TRNT1: variants seen among roughly 807,000 people sequenced by gnomAD.
The protein encoded by TRNT1 is CCA tRNA nucleotidyltransferase 1, mitochondrial.
In TRNT1, 44 loss-of-function variants were observed where a neutral mutation model predicts 45.6. The observed-to-expected ratio is 0.97, with a 90% CI of 0.76 to 1.24. The LOEUF (loss-of-function observed/expected upper bound fraction) is 1.24, where lower values mean the gene tolerates loss of function less well. Among genes scored for constraint, TRNT1 ranks in the 50% most tolerant of loss-of-function variants. The probability of loss-of-function intolerance (pLI) is 0.00; values close to 1 mark genes in which losing one functional copy is unlikely to be tolerated. For missense variants in TRNT1, 633 were observed against 504.4 expected, an observed-to-expected ratio of 1.25 and a Z score of -2.44; for synonymous variants, 201 against 171.4, an observed-to-expected ratio of 1.17 and a Z score of -1.35.
chr3:3,142,832 A>G (rs1006762749), intron 4 of TRNT1, among the ~76,000 whole-genome samples: 1 of 152,086 alleles, frequency 6.6e-6, no homozygotes, highest in Non-Finnish European at 1.5e-5. Flanking sequence ...TTGTGATCAT[A>G]TTTTTGCCTA....
chr3:3,129,581 CAAAA>C (rs1559213308), intron 2 of TRNT1: 1 of 452,646 alleles, frequency 2.2e-6, no homozygotes, highest in African/African-American at 2.0e-5. Context: ...GACCCTGTCT[CAAAA>C]AAAGAGAAAG....
downstream of TRNT1, chr3:3,150,764 A>AATGTT (rs1199604594): frequency 2.7e-6 from 3 of 1,115,656 alleles, no homozygotes; most frequent in Non-Finnish European, 2.6e-6. Flanking sequence ...CTTAGGTATT[A>AATGTT]ATGTTATGTT....
chr3:3,138,528 T>G (rs1050191619), intron 3 of TRNT1, among the ~76,000 whole-genome samples: 1 of 152,212 alleles, frequency 6.6e-6, no homozygotes, highest in Non-Finnish European at 1.5e-5. Context: ...CATGTTTCTT[T>G]CATAATTTCA....
intron 2 of TRNT1, among the ~76,000 whole-genome samples, chr3:3,135,733 T>G (rs1705289901): frequency 1.3e-5 from 2 of 152,186 alleles, no homozygotes; most frequent in African/African-American, 2.4e-5. Context: ...GAGTTGTGAT[T>G]AGAGGTGCTG....
At chr3:3,129,310 C>A in intron 2 of TRNT1, 122 bp downstream of exon 2, 1 of 965,702 alleles carries the variant, frequency 1.0e-6, no homozygotes. Flanking sequence ...TATTAAAAAA[C>A]GTAAGTAGAG....
downstream of TRNT1, chr3:3,153,250 C>G (rs937517216): frequency 1.4e-5 from 8 of 566,772 alleles, no homozygotes; most frequent in African/African-American, 1.3e-4. Context: ...CATTGTTGCT[C>G]TGAGTACCCA....
chr3:3,148,310 G>T lies in TRNT1; in HGVS notation c.*156G>T. On this transcript the variant is annotated 3_prime_UTR_variant, in exon 8 of 8. Coordinates refer to ENST00000251607, the MANE Select transcript of TRNT1 (RefSeq NM_182916.3). ...TTATTTTGTGAATTATATATTTCAA[G>T]AACTAAACAGAGATCCACCTTTCTG... 1 of 704,878 alleles carries T rather than the reference G, an allele frequency of 1.4e-6. No individual in the cohort carries two copies. The highest frequency in any genetic ancestry group is 2.1e-5 in the South Asian group (1 of 48,358). The allele number at this position is 704,878 out of a possible 1,614,324, so 43.7% of individuals were successfully genotyped here. A position where few individuals can be genotyped will look rare whatever the true frequency, so the allele number is the denominator to read the frequency against.
chr3:3,137,254 T>G lies in TRNT1; in HGVS notation c.149-6T>G. Reference sequence around the variant, plus strand: ...GGAATAAAAATCTTATTTTCTCTCATCTCAGAATTATTTGTCAAAGAGAAT... The same window carrying G: ...GGAATAAAAATCTTATTTTCTCTCAGCTCAGAATTATTTGTCAAAGAGAAT... On this transcript the variant is annotated splice_polypyrimidine_tract_variant and splice_region_variant and intron_variant, in intron 2 of 7. Coordinates refer to ENST00000251607, the MANE Select transcript of TRNT1 (RefSeq NM_182916.3). The G allele has an allele frequency of 6.4e-7, 1 of 1,573,584 alleles. No individual in the cohort carries two copies. The highest frequency in any genetic ancestry group is 8.6e-7 in the Non-Finnish European group (1 of 1,162,738).
downstream of TRNT1, chr3:3,150,697 A>C: frequency 1.5e-6 from 1 of 657,146 alleles, no homozygotes; most frequent in Admixed American, 2.9e-5. Context: ...GTATACTTAA[A>C]AGTTTCAAAT....
At chr3:3,152,408 A>G (rs766329828), downstream of TRNT1, 14 of 1,585,506 alleles carry the variant, frequency 8.8e-6, no homozygotes, top group South Asian at 8.1e-5. Flanking sequence ...TTTCTGCCCA[A>G]TTAAGGTAAA....
chr3:3,129,960 G>T (rs1430358653), intron 2 of TRNT1: 1 of 1,550,538 alleles, frequency 6.4e-7, no homozygotes, highest in Non-Finnish European at 8.7e-7. Flanking sequence ...GAAGGAAATA[G>T]GAGTTGCCTC....
chr3:3,133,208 T>A (rs1045746681), intron 2 of TRNT1, among the ~76,000 whole-genome samples: 1 of 152,162 alleles, frequency 6.6e-6, no homozygotes, highest in Admixed American at 6.5e-5. Flanking sequence ...TTTGTCAGGT[T>A]ATTTTATGTA....
intron 2 of TRNT1, chr3:3,130,232 A>C (rs1453749750): frequency 1.2e-5 from 5 of 409,296 alleles, no homozygotes; most frequent in Non-Finnish European, 2.2e-5. Flanking sequence ...GGAGCTTTTA[A>C]AGCACACATG....
chr3:3,152,768 C>G (rs1706670039), downstream of TRNT1, among the ~76,000 whole-genome samples: 1 of 152,146 alleles, frequency 6.6e-6, no homozygotes, highest in Admixed American at 6.6e-5. Flanking sequence ...AGCTGGCAGA[C>G]AGGCCTGTTT....
chr3:3,129,223 C>T lies in TRNT1; in HGVS notation c.148+35C>T, dbSNP rs1186100023. The T allele has an allele frequency of 3.8e-6, 6 of 1,588,604 alleles. No homozygotes were observed. In the African/African-American group the frequency reaches 8.1e-5, roughly 21 times the overall value. ...TAGGATACCTTTTCTTGATTGGAAA[C>T]CTATATAAATGGAGAAGTAGAGGGT... On this transcript the variant is annotated intron_variant, in intron 2 of 7. Coordinates refer to ENST00000251607, the MANE Select transcript of TRNT1 (RefSeq NM_182916.3).
rs1401061365 is a variant in TRNT1 at position 3,148,047 on chromosome 3, T to C, written c.1198T>C (p.Ser400Pro). The C allele has an allele frequency of 1.2e-6, 2 of 1,613,978 alleles. No homozygotes were observed. The highest frequency in any genetic ancestry group is 1.7e-5 in the Admixed American group (1 of 60,016). ...TGACATCAGAAAAGTGGGCATTTCT[T>C]CAGGAAAAGAAATTGGGGCTCTATT... is the stretch of plus-strand genomic sequence containing the variant. ...GHDIRKVGISSGKEIGALLQQ... is the reference protein window; with the variant it reads ...GHDIRKVGISPGKEIGALLQQ... Residue 400 changes from serine (S) to proline (P), a missense_variant, in exon 8 of 8, where the codon TCA becomes CCA. Ser to Pro is a moderately conservative substitution (Grantham distance 74, BLOSUM62 -1). Coordinates refer to ENST00000251607, the MANE Select transcript of TRNT1 (RefSeq NM_182916.3).
chr3:3,132,731 G>GAAAAAAAAAAAAAAA (rs369384116), intron 2 of TRNT1, among the ~76,000 whole-genome samples: 12 of 88,946 alleles, frequency 1.3e-4, no homozygotes, highest in Non-Finnish European at 1.9e-4. Context: ...CCTATTGAAG[G>GAAAAAAAAAAAAAAA]AAAAAAAAAA....
At position 3,144,717 on chromosome 3, in the gene TRNT1, A is replaced by G. The variant is rs2126031354; in HGVS notation, c.608+7A>G. 1 of 1,519,536 alleles carries G rather than the reference A, an allele frequency of 6.6e-7. No individual in the cohort carries two copies. Among genetic ancestry groups the G allele is most frequent in the Non-Finnish European group, 8.9e-7 (1 of 1,122,976 alleles). The allele number at this position is 1,519,536 out of a possible 1,614,324, so 94.1% of individuals were successfully genotyped here. ...GAATTTTAAGATACTTCAGGTAAGA[A>G]TTTTTAAAAATAAAAAATGATAGTT... On this transcript the variant is annotated splice_region_variant and intron_variant, in intron 5 of 7. Transcript: ENST00000251607.
rs1489444334 is a variant in TRNT1 at position 3,147,465 on chromosome 3, C to G, written c.818C>G (p.Ala273Gly). 3.7e-6 allele frequency: 6 copies of G among 1,613,446 alleles called. No individual in the cohort carries two copies. In the Admixed American group the frequency reaches 5.0e-5, roughly 13 times the overall value. Reference protein sequence around the residue: ...VAPYIGLPANASLEEFDKVSK... With the variant: ...VAPYIGLPANGSLEEFDKVSK... Reference sequence around the variant, plus strand: ...GTCCCTACAGGTTTACCTGCTAATGCAAGTTTAGAAGAATTTGACAAAGTC... The same window carrying G: ...GTCCCTACAGGTTTACCTGCTAATGGAAGTTTAGAAGAATTTGACAAAGTC... Residue 273 changes from alanine (A) to glycine (G), a missense_variant, in exon 7 of 8, where the codon GCA (alanine) becomes GGA (glycine). By Grantham distance (60) the Ala-to-Gly change is moderately conservative. Coordinates refer to ENST00000251607, the MANE Select transcript of TRNT1 (RefSeq NM_182916.3).
Sources: gnomAD v4.1 joint callset for allele counts (sites outside exome capture counted in the v4.1 genomes callset) on GRCh38, gnomAD v4.1.1 for gene constraint, MANE v1.5 for transcripts, NCBI Gene and HGNC (gene_info 2026-07-23, HGNC 2026-07-21) for gene names.